CHRNA3: variants seen among roughly 807,000 people sequenced by gnomAD.
CHRNA3 encodes cholinergic receptor nicotinic alpha 3 subunit.
A neutral mutation model predicts 41.9 loss-of-function variants in CHRNA3; 34 were observed. The ratio of observed to expected loss-of-function variants is 0.81; its 90% CI spans 0.62 to 1.08. The LOEUF is 1.08. Among genes scored for constraint, CHRNA3 ranks in the 50% least tolerant of loss-of-function variants. The pLI is 0.00. For missense variants in CHRNA3, 542 were observed against 638.3 expected (o/e 0.85, Z 1.63); for synonymous variants, 281 against 265.2 (o/e 1.06, Z -0.58).
intron 4 of CHRNA3, among the ~76,000 whole-genome samples, chr15:78,613,755 G>C (rs528642397): frequency 1.1e-5 from 1 of 94,060 alleles, no homozygotes; most frequent in African/African-American, 4.0e-5. Context: ...GTAAAGCAGT[G>C]GCAAACAAAC....
chr15:78,606,628 G>T (rs2053291772), intron 4 of CHRNA3, among the ~76,000 whole-genome samples: 1 of 152,104 alleles, frequency 6.6e-6, no homozygotes, highest in Admixed American at 6.5e-5. Flanking sequence ...AGGGGTGGTG[G>T]CTCAGGCCTG....
At chr15:78,617,415 C>T (rs1244865903) in intron 3 of CHRNA3, among the ~76,000 whole-genome samples, 2 of 152,174 alleles carry the variant, frequency 1.3e-5, no homozygotes, top group African/African-American at 4.8e-5. Context: ...CTCGTGCTTT[C>T]TCTGGTCACT....
chr15:78,594,211 A>G (rs1305683525), downstream of CHRNA3: 8 of 152,218 alleles, frequency 5.3e-5, no homozygotes, highest in African/African-American at 1.7e-4. Context: ...AAAGTCATAC[A>G]GTAGACAACT....
At chr15:78,608,652 G>A (rs2053335691) in intron 4 of CHRNA3, among the ~76,000 whole-genome samples, 4 of 152,296 alleles carry the variant, frequency 2.6e-5, no homozygotes, top group Middle Eastern at 6.8e-3. Flanking sequence ...AGAAAAACTG[G>A]AAACTCTAAA....
At chr15:78,611,945 A>G (rs2053386300) in intron 4 of CHRNA3, among the ~76,000 whole-genome samples, 2 of 152,332 alleles carry the variant, frequency 1.3e-5, no homozygotes, top group Non-Finnish European at 2.9e-5. Flanking sequence ...CAGCCAAATC[A>G]TGAGTGAACT....
intron 4 of CHRNA3, among the ~76,000 whole-genome samples, chr15:78,604,503 C>T (rs1157122047): frequency 6.6e-6 from 1 of 152,176 alleles, no homozygotes; most frequent in Non-Finnish European, 1.5e-5. Context: ...TGGCTCATTT[C>T]TGGGGATCCT....
At chr15:78,600,170 G>A (rs1004867690) in intron 5 of CHRNA3, among the ~76,000 whole-genome samples, 6 of 152,124 alleles carry the variant, frequency 3.9e-5, no homozygotes, top group Admixed American at 1.3e-4. Context: ...GACTTCCTGA[G>A]CTCCAGTGAT....
At chr15:78,596,832 ATTTTGTCTCTAATATGTAAGAAGCCC>A in intron 5 of CHRNA3, 100 bp from the exon 6 acceptor site, 1 of 1,455,434 alleles carries the variant, frequency 6.9e-7, no homozygotes, top group South Asian at 1.5e-5. Context: ...AGTAGAAGCC[ATTTTGTCTCTAATATGTAAGAAGCCC>A]TTTTTTTCCT....
At chr15:78,603,996 G>A (rs1384752065) in intron 4 of CHRNA3, among the ~76,000 whole-genome samples, 1 of 152,100 alleles carries the variant, frequency 6.6e-6, no homozygotes, top group African/African-American at 2.4e-5. Context: ...GCAGAAGGTC[G>A]AAAAGACCCT....
At chr15:78,595,009 G>A (rs1350686715), downstream of CHRNA3, 1 of 152,190 alleles carries the variant, frequency 6.6e-6, no homozygotes, top group African/African-American at 2.4e-5. Context: ...ACTCTTAGCT[G>A]TTGAGATCAC....
At chr15:78,612,940 A>G (rs1267278326) in intron 4 of CHRNA3, among the ~76,000 whole-genome samples, 1 of 152,096 alleles carries the variant, frequency 6.6e-6, no homozygotes, top group Non-Finnish European at 1.5e-5. Flanking sequence ...AAAAGAAGAC[A>G]TTTATGCAGC....
intron 5 of CHRNA3, 53 bp from the exon 6 acceptor site, chr15:78,596,785 TAC>T: frequency 6.4e-7 from 1 of 1,563,244 alleles, no homozygotes; most frequent in Non-Finnish European, 8.6e-7. Flanking sequence ...GGCAAATGAA[TAC>T]ATTTTCAATA....
intron 4 of CHRNA3, among the ~76,000 whole-genome samples, chr15:78,605,457 G>A (rs554799119): frequency 6.6e-6 from 1 of 152,308 alleles, no homozygotes; most frequent in Non-Finnish European, 1.5e-5. Flanking sequence ...CATGTCCTAA[G>A]ATCCTAAGAG....
intron 3 of CHRNA3, 167 bp downstream of exon 3, chr15:78,618,450 G>A (rs534989921): frequency 2.8e-6 from 2 of 711,704 alleles, no homozygotes; most frequent in Non-Finnish European, 4.8e-6. Flanking sequence ...GTAGGGCAGT[G>A]CATGTGACCT....
intron 4 of CHRNA3, among the ~76,000 whole-genome samples, chr15:78,602,802 C>T (rs1222446225): frequency 1.3e-5 from 2 of 152,168 alleles, no homozygotes; most frequent in Non-Finnish European, 2.9e-5. Context: ...GATTTACTTC[C>T]AAACCCTATC....
chr15:78,608,138 G>C (rs1270693050), intron 4 of CHRNA3, among the ~76,000 whole-genome samples: 1 of 152,222 alleles, frequency 6.6e-6, no homozygotes, highest in East Asian at 1.9e-4. Context: ...CTCCACCTCT[G>C]GGGGCAGGGC....
Position 78,602,284 on chromosome 15 carries a change from G to T in CHRNA3, c.378-20C>A. The T allele has an allele frequency of 6.2e-7, 1 of 1,607,250 alleles. No homozygotes were observed. The highest frequency in any genetic ancestry group is 8.5e-7 in the Non-Finnish European group (1 of 1,175,940). On this transcript the variant is annotated intron_variant, in intron 4 of 5. Coordinates refer to ENST00000326828, the MANE Select transcript of CHRNA3 (RefSeq NM_000743.5). ...ACAGCACTGCAAAGACAAAGAGGGGGCACAGTGACACACGGTCATTAACAC... is the reference window on the plus strand; with the variant it reads ...ACAGCACTGCAAAGACAAAGAGGGGTCACAGTGACACACGGTCATTAACAC...
downstream of CHRNA3, chr15:78,595,240 A>C: frequency 1.6e-5 from 15 of 964,338 alleles, no homozygotes; most frequent in Non-Finnish European, 1.9e-5. Context: ...ACTGTTACTT[A>C]TGATTTTTAT....
intron 4 of CHRNA3, among the ~76,000 whole-genome samples, chr15:78,614,408 TTACAAA>T (rs2053432001): frequency 6.6e-6 from 1 of 152,208 alleles, no homozygotes; most frequent in South Asian, 2.1e-4. Flanking sequence ...GATGACCAGT[TTACAAA>T]TACAAATTAC....
Sources: allele counts gnomAD v4.1 joint callset (sites outside exome capture counted in the v4.1 genomes callset), GRCh38; gene constraint gnomAD v4.1.1; transcripts MANE v1.5; gene names NCBI Gene and HGNC (gene_info 2026-07-23, HGNC 2026-07-21).